Variants in DNAH9 observed in about 807,000 individuals in gnomAD.
DNAH9 encodes DNAH9 variant protein.
DNAH9 carries 345 observed loss-of-function variants against 471.6 expected under a neutral mutation model. The observed-to-expected ratio is 0.73, with a 90% confidence interval of 0.67 to 0.80. The LOEUF is 0.80. Ranked by LOEUF, DNAH9 falls within the 30% of genes least tolerant of loss-of-function variation. The probability of loss-of-function intolerance (pLI) is 0.00; values close to 1 mark genes in which losing one functional copy is unlikely to be tolerated. For synonymous variants in DNAH9, 2,093 were observed against 2,123.6 expected, an observed-to-expected ratio of 0.99 and a Z score of 0.40; for missense variants, 5,407 against 5,609.2, an observed-to-expected ratio of 0.96 and a Z score of 1.15.
intron 67 of DNAH9, among the ~76,000 whole-genome samples, chr17:11,942,874 G>A (rs1415444110): frequency 6.6e-6 from 1 of 150,768 alleles, no homozygotes; most frequent in Non-Finnish European, 1.5e-5. Flanking sequence ...GACTGCTGTC[G>A]ATTTACATTG....
chr17:11,876,966 T>C (rs920474586), intron 53 of DNAH9, among the ~76,000 whole-genome samples: 1 of 151,876 alleles, frequency 6.6e-6, no homozygotes, highest in African/African-American at 2.4e-5. Flanking sequence ...GACCTTGTGA[T>C]CTGCCTGCCT....
At chr17:11,820,299 A>AT (rs1970262977) in intron 45 of DNAH9, among the ~76,000 whole-genome samples, 1 of 151,896 alleles carries the variant, frequency 6.6e-6, no homozygotes, top group Non-Finnish European at 1.5e-5. Context: ...TTTAGTTGGG[A>AT]TTTTTTAAAT....
chr17:11,830,922 G>C (rs1015545722), intron 48 of DNAH9, among the ~76,000 whole-genome samples: 4 of 152,028 alleles, frequency 2.6e-5, no homozygotes, highest in African/African-American at 9.7e-5. Context: ...GAAACTATAA[G>C]GATTTGGAAG....
At chr17:11,605,674 A>ATTTTTTTTTTTTTTTTTTTT (rs59748847) in intron 1 of DNAH9, among the ~76,000 whole-genome samples, 1 of 145,008 alleles carries the variant, frequency 6.9e-6, no homozygotes, top group African/African-American at 2.6e-5. Flanking sequence ...CAATTTTTCT[A>ATTTTTTTTTTTTTTTTTTTT]TTTTTTTTTT....
At position 11,602,617 on chromosome 17, in the gene DNAH9, C is replaced by T. The variant is rs956719899; in HGVS notation, c.417+3702C>T. Reference sequence around the variant, plus strand: ...TACCCTTGCGTGTGTATGATTTTGCCTCCCAACTCACTGTGGCTCTCCCCA... The same window carrying T: ...TACCCTTGCGTGTGTATGATTTTGCTTCCCAACTCACTGTGGCTCTCCCCA... On this transcript the variant is annotated intron_variant, in intron 1 of 68. Transcript: ENST00000262442. Among the ~76,000 whole-genome samples the T allele has an allele frequency of 6.6e-5, 10 of 152,220 alleles. No individual in the cohort carries two copies. The East Asian group carries it at 1.9e-3, about 29-fold the overall frequency.
At chr17:11,745,579 C>T (rs562027737) in intron 31 of DNAH9, among the ~76,000 whole-genome samples, 1 of 152,284 alleles carries the variant, frequency 6.6e-6, no homozygotes, top group South Asian at 2.1e-4. Context: ...AAGATAAAGA[C>T]AGATGGACAG....
chr17:11,603,154 A>G (rs557477644), intron 1 of DNAH9, among the ~76,000 whole-genome samples: 1 of 152,356 alleles, frequency 6.6e-6, no homozygotes, highest in South Asian at 2.1e-4. Context: ...GACCAGGGAA[A>G]AACCAATGGG....
At chr17:11,834,592 C>A in intron 48 of DNAH9, 46 bp from the exon 49 acceptor site, 1 of 1,607,180 alleles carries the variant, frequency 6.2e-7, no homozygotes, top group Non-Finnish European at 8.5e-7. Context: ...TGCCCACAGT[C>A]CCTCCAGTCA....
chr17:11,908,910 G>C (rs1421850004), intron 61 of DNAH9, among the ~76,000 whole-genome samples: 2 of 152,224 alleles, frequency 1.3e-5, no homozygotes, highest in Admixed American at 6.5e-5. Flanking sequence ...CTCTGGTGAG[G>C]ACTGATAGTG....
At chr17:11,960,715 C>A (rs1309422779) in intron 67 of DNAH9, among the ~76,000 whole-genome samples, 2 of 148,734 alleles carry the variant, frequency 1.3e-5, no homozygotes, top group Admixed American at 1.3e-4. Flanking sequence ...GCAGAGATTG[C>A]GCCCCTGCAC....
chr17:11,931,855 C>T (rs1974521529), intron 63 of DNAH9, among the ~76,000 whole-genome samples, 159 bp from the exon 64 acceptor site: 1 of 152,210 alleles, frequency 6.6e-6, no homozygotes, highest in African/African-American at 2.4e-5. Flanking sequence ...CCTGACCCTT[C>T]CACACGTTCC....
At chr17:11,915,437 T>C (rs1973917142) in intron 61 of DNAH9, among the ~76,000 whole-genome samples, 1 of 152,098 alleles carries the variant, frequency 6.6e-6, no homozygotes, top group South Asian at 2.1e-4. Flanking sequence ...GGCAGGAGAC[T>C]CGCTTGAACC....
intron 1 of DNAH9, among the ~76,000 whole-genome samples, chr17:11,604,008 C>T (rs1281392785): frequency 1.3e-5 from 2 of 150,428 alleles, no homozygotes; most frequent in Admixed American, 1.3e-4. Context: ...GTGATGGTGC[C>T]TCCTCTTATT....
Position 11,669,567 on chromosome 17 carries a change from C to T in DNAH9, c.3126C>T (p.Asp1042=), listed in dbSNP as rs200376160. The change falls in exon 17 of 69, where the codon GAC becomes GAT. Residue 1042 remains aspartate, a synonymous_variant. Coordinates refer to ENST00000262442, the MANE Select transcript of DNAH9 (RefSeq NM_001372.4). ...TCCTCACTCCGGAAGAAATTGAAGA[C>T]CATGTGGAAGATGGCATCCCAGAGA... is the stretch of plus-strand genomic sequence containing the variant. The part of the protein sequence containing the change: ...GHILTPEEIE[D]HVEDGIPENP... The T allele has an allele frequency of 1.1e-4, 176 of 1,613,934 alleles. No individual in the cohort carries two copies. The highest frequency in any genetic ancestry group is 1.3e-5 in the African/African-American group (1 of 74,900).
chr17:11,701,060 A>G, intron 23 of DNAH9, 62 bp from the exon 24 acceptor site: 1 of 1,593,242 alleles, frequency 6.3e-7, no homozygotes, highest in Non-Finnish European at 8.6e-7. Context: ...AGTGGAAGAA[A>G]ATATGTAGGA....
Position 11,905,646 on chromosome 17 carries a change from C to CT in DNAH9, c.11601-8dup, listed in dbSNP as rs761442470. 1 of 1,612,836 alleles carries CT rather than the reference C, an allele frequency of 6.2e-7. No individual in the cohort carries two copies. Among genetic ancestry groups the CT allele is most frequent in the East Asian group, 2.2e-5 (1 of 44,868 alleles). On this transcript the variant is annotated splice_polypyrimidine_tract_variant and intron_variant, in intron 60 of 68. Coordinates refer to ENST00000262442, the MANE Select transcript of DNAH9 (RefSeq NM_001372.4). ...CTATATATGTATAAATCTATATGTG[C>CT]TTTTTTTCTGGCAGAGATTTTGTTG...
At chr17:11,762,761 T>TTTTTGTTTG (rs1967739326) in intron 35 of DNAH9, among the ~76,000 whole-genome samples, 1 of 102,436 alleles carries the variant, frequency 9.8e-6, no homozygotes, top group African/African-American at 3.9e-5. Context: ...TAGGTGCGTT[T>TTTTTGTTTG]TTTTTTTTGT....
chr17:11,750,839 A>C (rs1967114551), intron 32 of DNAH9, among the ~76,000 whole-genome samples: 1 of 152,168 alleles, frequency 6.6e-6, no homozygotes, highest in Non-Finnish European at 1.5e-5. Context: ...GTTAATATTC[A>C]TCATAAGAAA....
chr17:11,705,233 G>A (rs770786907), intron 26 of DNAH9, 48 bp downstream of exon 26: 1 of 1,570,600 alleles, frequency 6.4e-7, no homozygotes, highest in Non-Finnish European at 8.7e-7. Context: ...GTCTGGTTCA[G>A]GCCAGCTAGT....
Sources: allele counts gnomAD v4.1 joint callset (sites outside exome capture counted in the v4.1 genomes callset), GRCh38; gene constraint gnomAD v4.1.1; transcripts MANE v1.5; gene names NCBI Gene and HGNC (gene_info 2026-07-23, HGNC 2026-07-21).